SORL1: variants seen among roughly 807,000 people sequenced by gnomAD.
SORL1 encodes sortilin related receptor 1.
In SORL1, 127 loss-of-function variants were observed where a neutral mutation model predicts 273.7. The ratio of observed to expected loss-of-function variants is 0.46; its 90% CI spans 0.40 to 0.54. SORL1 has a LOEUF of 0.54. Among genes scored for constraint, SORL1 ranks in the 20% least tolerant of loss-of-function variants. The pLI, the probability that SORL1 is intolerant of heterozygous loss-of-function variation, is 0.00. For missense variants in SORL1, 2,494 were observed against 2,846.1 expected (o/e 0.88, Z 2.81); for synonymous variants, 1,031 against 1,067.4 (o/e 0.97, Z 0.66).
intron 1 of SORL1, among the ~76,000 whole-genome samples, chr11:121,454,931 C>T (rs907062548): frequency 6.6e-6 from 1 of 152,134 alleles, no homozygotes. Context: ...ATGAATAGCA[C>T]CCCCTTCACT....
intron 45 of SORL1, among the ~76,000 whole-genome samples, chr11:121,622,842 T>G (rs1863742559): frequency 6.6e-6 from 1 of 152,200 alleles, no homozygotes; most frequent in African/African-American, 2.4e-5. Flanking sequence ...GGGAGTAGAT[T>G]TACCACCCAA....
rs570642010 is a variant in SORL1 at position 121,576,729 on chromosome 11, C to T, written c.3461-552C>T. The T allele has an allele frequency of 3.3e-5, 48 of 1,446,100 alleles. No individual in the cohort carries two copies. The Middle Eastern group carries it at 7.6e-4, about 23-fold the overall frequency. The allele number at this position is 1,446,100 out of a possible 1,614,324, so 89.6% of individuals were successfully genotyped here. On this transcript the variant is annotated intron_variant, in intron 24 of 47. Coordinates refer to ENST00000260197, the MANE Select transcript of SORL1 (RefSeq NM_003105.6). Reference sequence around the variant, plus strand: ...CAGGCCCCCACCCTTCTAGAGACAGCGCATCCACCCGTGTCCCTGGAGCTC... The same window carrying T: ...CAGGCCCCCACCCTTCTAGAGACAGTGCATCCACCCGTGTCCCTGGAGCTC...
At position 121,632,627 on chromosome 11, in the gene SORL1, A is replaced by C. The variant is rs1435985611; in HGVS notation, c.*3064A>C. The C allele has an allele frequency of 6.6e-6, 1 of 151,620 alleles. No individual in the cohort carries two copies. Among genetic ancestry groups the C allele is most frequent in the Non-Finnish European group, 1.5e-5 (1 of 67,994 alleles). The allele number at this position is 151,620 out of a possible 1,614,324, so 9.4% of individuals were successfully genotyped here. A position where few individuals can be genotyped will look rare whatever the true frequency, so the allele number is the denominator to read the frequency against. On this transcript the variant is annotated 3_prime_UTR_variant, in exon 48 of 48. Coordinates refer to ENST00000260197, the MANE Select transcript of SORL1 (RefSeq NM_003105.6). The stretch of plus-strand genomic sequence containing the variant: ...GAAGCTGTACTCAGCAATTTAGGGA[A>C]TGTAACCCTTCTCAGAACTGGCCAT...
At chr11:121,523,712 A>G (rs1862076845) in intron 11 of SORL1, among the ~76,000 whole-genome samples, 1 of 152,008 alleles carries the variant, frequency 6.6e-6, no homozygotes, top group Admixed American at 6.6e-5. Flanking sequence ...GTGACCCTCT[A>G]GTTATGCCAG....
chr11:121,545,220 G>A (rs1180983976), intron 13 of SORL1, 23 bp from the exon 14 acceptor site: 13 of 1,613,062 alleles, frequency 8.1e-6, no homozygotes, highest in African/African-American at 2.7e-5. Context: ...CTAATGCTTC[G>A]TGCTGTGTTC....
At chr11:121,560,726 TG>T (rs1862659198) in intron 21 of SORL1, among the ~76,000 whole-genome samples, 1 of 152,234 alleles carries the variant, frequency 6.6e-6, no homozygotes, top group South Asian at 2.1e-4. Flanking sequence ...GAGAACACCC[TG>T]GGAAAACTAT....
intron 11 of SORL1, among the ~76,000 whole-genome samples, chr11:121,528,611 AT>A (rs1301733420): frequency 2.0e-5 from 3 of 152,108 alleles, no homozygotes; most frequent in Non-Finnish European, 4.4e-5. Flanking sequence ...ATATCTCTTG[AT>A]TTTTATCTTC....
intron 6 of SORL1, among the ~76,000 whole-genome samples, chr11:121,502,414 G>A (rs1452139831): frequency 2.6e-5 from 4 of 152,128 alleles, no homozygotes; most frequent in Non-Finnish European, 5.9e-5. Flanking sequence ...GGGATTACAG[G>A]CGTGAGCCAC....
intron 41 of SORL1, among the ~76,000 whole-genome samples, chr11:121,617,685 G>A (rs1024965399): frequency 5.3e-5 from 8 of 152,082 alleles, no homozygotes; most frequent in African/African-American, 1.7e-4. Flanking sequence ...AATGCTCTTT[G>A]ATTGTGCCTT....
intron 1 of SORL1, among the ~76,000 whole-genome samples, chr11:121,469,440 A>C (rs1272058752): frequency 6.6e-6 from 1 of 152,236 alleles, no homozygotes; most frequent in African/African-American, 2.4e-5. Context: ...CAAATCTAAA[A>C]GTCTGAGAAC....
At chr11:121,454,826 C>G (rs1286421820) in intron 1 of SORL1, among the ~76,000 whole-genome samples, 1 of 152,286 alleles carries the variant, frequency 6.6e-6, no homozygotes, top group East Asian at 1.9e-4. Flanking sequence ...TCTGGAGTAA[C>G]TAACATCTAT....
intron 3 of SORL1, among the ~76,000 whole-genome samples, chr11:121,487,668 C>G (rs1861494783): frequency 6.6e-6 from 1 of 152,118 alleles, no homozygotes; most frequent in African/African-American, 2.4e-5. Context: ...GTCCCAGATG[C>G]CAGTAACTAC....
intron 12 of SORL1, among the ~76,000 whole-genome samples, chr11:121,533,642 G>A (rs1181630249): frequency 6.6e-6 from 1 of 152,212 alleles, no homozygotes; most frequent in East Asian, 1.9e-4. Flanking sequence ...TTATTGCAAG[G>A]ACAAAGCTTT....
rs905995847 is a variant in SORL1 at position 121,627,114 on chromosome 11, T to G, written c.6365-441T>G. On this transcript the variant is annotated intron_variant, in intron 46 of 47. Transcript: ENST00000260197. The surrounding 1 kb of genome is among the most constrained non-coding windows in gnomAD (Gnocchi z 4.9). ...CTCGTTTGTATCACTTAATGGAGCT[T>G]CAGGTAATTGCAGTTCAGAGTGACT... The G allele has an allele frequency of 1.1e-5, 2 of 180,546 alleles. No homozygotes were observed. The highest frequency in any genetic ancestry group is 2.4e-5 in the Non-Finnish European group (2 of 83,508). The allele number at this position is 180,546 out of a possible 1,614,324, so 11.2% of individuals were successfully genotyped here.
chr11:121,539,875 A>G (rs1047807723), intron 12 of SORL1, among the ~76,000 whole-genome samples: 2 of 152,138 alleles, frequency 1.3e-5, no homozygotes, highest in South Asian at 2.1e-4. Flanking sequence ...TATGTCTGCT[A>G]TTATTTATTC....
rs138567523 is a variant in SORL1, at chr11:121,565,930, C to A, written c.3050-1010C>A. Among the ~76,000 whole-genome samples the A allele has an allele frequency of 5.9e-3, 898 of 152,314 alleles. 11 individuals carry two copies. The highest frequency in any genetic ancestry group is 0.021 in the African/African-American group (868 of 41,552). ...CAGGAGTGGGCTAGATCAGCATGAA[C>A]TAGTCCTTACCTGAACACATTGCAC... On this transcript the variant is annotated intron_variant, in intron 21 of 47. Coordinates refer to ENST00000260197, the MANE Select transcript of SORL1 (RefSeq NM_003105.6).
chr11:121,593,802 C>T (rs1012005083), intron 31 of SORL1, among the ~76,000 whole-genome samples: 2 of 152,190 alleles, frequency 1.3e-5, no homozygotes, highest in Non-Finnish European at 2.9e-5. Context: ...GCACCATCAT[C>T]ATCTTCAGGA....
Position 121,589,314 on chromosome 11 carries a change from T to C in SORL1, c.4002T>C (p.Asn1334=), listed in dbSNP as rs1410111533. Residue 1334 remains asparagine, a synonymous_variant, in exon 29 of 48, where the codon AAT becomes AAC. Coordinates refer to ENST00000260197, the MANE Select transcript of SORL1 (RefSeq NM_003105.6). ...VCDEFGFQCQ[N]GVCISLIWKC... ...ATGAGTTCGGTTTCCAGTGTCAGAA[T>C]GGAGTGTGCATCAGTTTGATTTGGA... 2 of 1,613,784 alleles carry C rather than the reference T, an allele frequency of 1.2e-6. No individual in the cohort carries two copies. Among genetic ancestry groups the C allele is most frequent in the Admixed American group, 3.3e-5 (2 of 60,006 alleles).
intron 1 of SORL1, among the ~76,000 whole-genome samples, chr11:121,459,531 GGCAT>G (rs1004959450): frequency 1.3e-5 from 2 of 152,154 alleles, no homozygotes; most frequent in African/African-American, 4.8e-5. Context: ...TTGGCTCTAG[GGCAT>G]GCCTCTGCAC....
Sources: allele counts gnomAD v4.1 joint callset (sites outside exome capture counted in the v4.1 genomes callset), GRCh38; gene constraint gnomAD v4.1.1; non-coding constraint Gnocchi (gnomAD v3.1); transcripts MANE v1.5; gene names NCBI Gene and HGNC (gene_info 2026-07-23, HGNC 2026-07-21).